The following HSD17B2 variants were observed in gnomAD, a reference collection of about 807,000 sequenced individuals.
HSD17B2 encodes the protein 17-beta-hydroxysteroid dehydrogenase type 2.
Under a neutral mutation model 26.9 loss-of-function variants are expected in HSD17B2, and 32 were observed. The ratio of observed to expected loss-of-function variants is 1.19; its 90% CI spans 0.90 to 1.60. HSD17B2 has a LOEUF of 1.60. Ranked by LOEUF, HSD17B2 falls within the 40% of genes most tolerant of loss-of-function variation. The pLI is 0.00. For missense variants in HSD17B2, 613 were observed against 468.6 expected (o/e 1.31, Z -2.85); for synonymous variants, 246 against 186.7 (o/e 1.32, Z -2.59).
At chr16:82,094,240 G>C (rs1243613457) in intron 4 of HSD17B2, 1 of 152,170 alleles carries the variant, frequency 6.6e-6, no homozygotes, top group East Asian at 1.9e-4. Context: ...ATTCAAGATG[G>C]AGTTACTCTT....
At chr16:82,061,199 A>G (rs1914428778) in intron 1 of HSD17B2, among the ~76,000 whole-genome samples, 1 of 152,074 alleles carries the variant, frequency 6.6e-6, no homozygotes, top group South Asian at 2.1e-4. Context: ...CAGAGGATGC[A>G]GTAAGCCAAG....
chr16:82,048,448 T>A (rs1914003801), intron 1 of HSD17B2, among the ~76,000 whole-genome samples: 2 of 152,114 alleles, frequency 1.3e-5, no homozygotes, highest in African/African-American at 4.8e-5. Context: ...GAGATGATGT[T>A]AGTGAGCAAC....
chr16:82,074,104 G>A (rs1489815317), intron 3 of HSD17B2, among the ~76,000 whole-genome samples: 1 of 152,164 alleles, frequency 6.6e-6, no homozygotes, highest in African/African-American at 2.4e-5. Flanking sequence ...ATGGGGGTAA[G>A]GATTCCCTAT....
intron 2 of HSD17B2, among the ~76,000 whole-genome samples, chr16:82,069,112 C>T (rs369963834): frequency 1.3e-5 from 2 of 152,104 alleles, no homozygotes; most frequent in African/African-American, 2.4e-5. Flanking sequence ...CCCCACCATG[C>T]GTCCATGTGT....
chr16:82,062,870 T>C (rs1169551908), intron 1 of HSD17B2, among the ~76,000 whole-genome samples: 3 of 152,342 alleles, frequency 2.0e-5, no homozygotes, highest in South Asian at 2.1e-4. Flanking sequence ...AGTGATTCCT[T>C]AGCCACAGAC....
At chr16:82,060,196 C>A (rs4453484) in intron 1 of HSD17B2, among the ~76,000 whole-genome samples, 1,614 of 152,292 alleles carry the variant, frequency 0.011, 27 homozygotes, top group African/African-American at 0.036. Context: ...AAGTCTTAAA[C>A]TAAAGGGTGG....
chr16:82,091,675 G>C (rs1173664208), intron 4 of HSD17B2: 1 of 153,850 alleles, frequency 6.5e-6, no homozygotes, highest in Non-Finnish European at 1.4e-5. Context: ...GCCTTATGCT[G>C]CTAGAAACTG....
intron 1 of HSD17B2, among the ~76,000 whole-genome samples, chr16:82,067,420 A>T (rs965854830): frequency 6.6e-6 from 1 of 152,228 alleles, no homozygotes; most frequent in African/African-American, 2.4e-5. Context: ...GGTATAAAAC[A>T]CTTTTTCCTG....
At chr16:82,063,166 A>G (rs1597128731) in intron 1 of HSD17B2, 2 of 152,236 alleles carry the variant, frequency 1.3e-5, no homozygotes, top group Non-Finnish European at 2.9e-5. Flanking sequence ...GAAGAGAAGA[A>G]TCAGGCAGTC....
intron 3 of HSD17B2, among the ~76,000 whole-genome samples, chr16:82,084,336 C>A (rs1448125615): frequency 6.6e-6 from 1 of 152,042 alleles, no homozygotes; most frequent in African/African-American, 2.4e-5. Context: ...AGCACCCACC[C>A]CTAATTGTGA....
At chr16:82,066,453 T>C (rs1248799129) in intron 1 of HSD17B2, among the ~76,000 whole-genome samples, 1 of 151,492 alleles carries the variant, frequency 6.6e-6, no homozygotes, top group African/African-American at 2.4e-5. Flanking sequence ...CTCTCTCTCT[T>C]CCACCTTTTT....
At chr16:82,038,746 A>T (rs1162093463) in intron 1 of HSD17B2, among the ~76,000 whole-genome samples, 2 of 152,162 alleles carry the variant, frequency 1.3e-5, no homozygotes, top group Admixed American at 1.3e-4. Flanking sequence ...ATTTATTAGG[A>T]GGGTTTCCAG....
At chr16:82,046,714 A>G (rs1913940899) in intron 1 of HSD17B2, among the ~76,000 whole-genome samples, 1 of 152,152 alleles carries the variant, frequency 6.6e-6, no homozygotes, top group Admixed American at 6.6e-5. Flanking sequence ...TTAAGTGTAC[A>G]CAAGAGGAGC....
chr16:82,093,513 C>G (rs1019289559), intron 4 of HSD17B2: 3 of 152,122 alleles, frequency 2.0e-5, no homozygotes, highest in African/African-American at 7.2e-5. Flanking sequence ...ATGTTTGAGT[C>G]CCTTCTAGTT....
At chr16:82,066,051 C>T (rs1914563843) in intron 1 of HSD17B2, among the ~76,000 whole-genome samples, 1 of 152,164 alleles carries the variant, frequency 6.6e-6, no homozygotes, top group Admixed American at 6.5e-5. Flanking sequence ...ATTTGTCCAG[C>T]AACAGGTCCA....
chr16:82,077,923 C>T (rs1002604763), intron 3 of HSD17B2, among the ~76,000 whole-genome samples: 10 of 152,096 alleles, frequency 6.6e-5, no homozygotes, highest in African/African-American at 2.2e-4. Flanking sequence ...AAATCTAAGA[C>T]CTCAAACTGT....
intron 1 of HSD17B2, among the ~76,000 whole-genome samples, chr16:82,048,494 G>C (rs1425194534): frequency 2.0e-5 from 3 of 152,172 alleles, no homozygotes; most frequent in Non-Finnish European, 1.5e-5. Flanking sequence ...AAAAGGGAAG[G>C]AGAAGATGGG....
chr16:82,069,124 C>G (rs1465591034), intron 2 of HSD17B2, among the ~76,000 whole-genome samples: 1 of 152,164 alleles, frequency 6.6e-6, no homozygotes, highest in Admixed American at 6.5e-5. Context: ...TCCATGTGTT[C>G]TCACTGTTCA....
intron 1 of HSD17B2, among the ~76,000 whole-genome samples, chr16:82,061,731 G>A (rs2143963599): frequency 6.6e-6 from 1 of 152,326 alleles, no homozygotes; most frequent in South Asian, 2.1e-4. Flanking sequence ...TGAGAGTTAT[G>A]CAATATGGTG....
Sources: allele counts gnomAD v4.1 joint callset (sites outside exome capture counted in the v4.1 genomes callset), GRCh38; gene constraint gnomAD v4.1.1; transcripts MANE v1.5; gene names NCBI Gene and HGNC (gene_info 2026-07-23, HGNC 2026-07-21).